RPH3AL: variants seen among roughly 807,000 people sequenced by gnomAD.
RPH3AL encodes the protein rabphilin 3A like (without C2 domains), also known as rab effector Noc2.
RPH3AL carries 38 observed loss-of-function variants against 43.1 expected under a neutral mutation model. The observed-to-expected ratio is 0.88, with a 90% CI of 0.68 to 1.15. RPH3AL has a LOEUF of 1.15. Among genes scored for constraint, RPH3AL ranks in the 50% most tolerant of loss-of-function variants. The pLI, the probability that RPH3AL is intolerant of heterozygous loss-of-function variation, is 0.00. For missense variants in RPH3AL, 462 were observed against 423.2 expected, an observed-to-expected ratio of 1.09 and a Z score of -0.81; for synonymous variants, 189 against 176.3, an observed-to-expected ratio of 1.07 and a Z score of -0.57.
At chr17:262,730 G>C (rs1336165549) in intron 6 of RPH3AL, among the ~76,000 whole-genome samples, 3 of 152,120 alleles carry the variant, frequency 2.0e-5, no homozygotes, top group African/African-American at 7.2e-5. Context: ...CATGCCCCGA[G>C]CCATCTCCTT....
intron 5 of RPH3AL, among the ~76,000 whole-genome samples, chr17:312,444 T>C (rs1043445499): frequency 1.3e-5 from 2 of 152,302 alleles, no homozygotes; most frequent in African/African-American, 2.4e-5. Flanking sequence ...TCTCAGAATT[T>C]CGTGCCTCCA....
At chr17:320,292 G>C (rs1355031328) in intron 4 of RPH3AL, among the ~76,000 whole-genome samples, 1 of 150,660 alleles carries the variant, frequency 6.6e-6, no homozygotes, top group Admixed American at 6.6e-5. Context: ...CGGAGAACAC[G>C]TGGACTCACA....
At chr17:326,132 G>A (rs1414335290) in intron 3 of RPH3AL, among the ~76,000 whole-genome samples, 2 of 152,250 alleles carry the variant, frequency 1.3e-5, no homozygotes, top group African/African-American at 4.8e-5. Context: ...TCATCTGCCT[G>A]GCGTCAGAGG....
Position 246,344 on chromosome 17 carries a change from A to T in RPH3AL, c.613+767T>A, listed in dbSNP as rs1376874594. Among the ~76,000 whole-genome samples, 1 of 152,054 alleles carries T rather than the reference A, an allele frequency of 6.6e-6. No individual in the cohort carries two copies. Among genetic ancestry groups the T allele is most frequent in the Non-Finnish European group, 1.5e-5 (1 of 68,006 alleles). ...CTGAGTATTTGGCAGAAACGTGAGCACTTCAGAGCAAAAGGACCCAGATGC... is the reference window on the plus strand; with the variant it reads ...CTGAGTATTTGGCAGAAACGTGAGCTCTTCAGAGCAAAAGGACCCAGATGC... On this transcript the variant is annotated intron_variant, in intron 7 of 9. Coordinates refer to ENST00000331302, the MANE Select transcript of RPH3AL (RefSeq NM_006987.4). The surrounding 1 kb of genome is among the most constrained non-coding windows in gnomAD (Gnocchi z 4.8).
At chr17:315,933 C>T (rs1319069974) in intron 5 of RPH3AL, among the ~76,000 whole-genome samples, 287 of 147,704 alleles carry the variant, frequency 1.9e-3, no homozygotes, top group Middle Eastern at 3.5e-3. Flanking sequence ...CCTGTGCCCC[C>T]ACCTCCATTG....
rs180899435 is a variant in RPH3AL at position 215,492 on chromosome 17, C to A, written c.876+162G>T. On this transcript the variant is annotated intron_variant, in intron 9 of 9. Coordinates refer to ENST00000331302, the MANE Select transcript of RPH3AL (RefSeq NM_006987.4). This position sits in a 1 kb window ranked among gnomAD's most constrained non-coding sequence, Gnocchi z 4.1. ...GGTCCCTCTCTCTGTTCCTTGCAGG[C>A]AGGGATGGGGTCTGGCTCACCTTGT... Among the ~76,000 whole-genome samples the A allele has an allele frequency of 6.6e-6, 1 of 152,220 alleles. No individual in the cohort carries two copies. Among genetic ancestry groups the A allele is most frequent in the Admixed American group, 6.5e-5 (1 of 15,290 alleles).
chr17:268,556 T>G (rs867281103), intron 6 of RPH3AL, among the ~76,000 whole-genome samples: 7 of 123,276 alleles, frequency 5.7e-5, no homozygotes, highest in African/African-American at 1.9e-4. Flanking sequence ...TTTTTGGGTT[T>G]TTTTTTTTTT....
At chr17:277,636 G>C (rs148356436) in intron 6 of RPH3AL, among the ~76,000 whole-genome samples, 1 of 152,286 alleles carries the variant, frequency 6.6e-6, no homozygotes, top group Non-Finnish European at 1.5e-5. Flanking sequence ...GACCCTCCAA[G>C]GGCGCCTCAT....
At chr17:319,686 A>G (rs2044405466) in intron 4 of RPH3AL, 137 bp from the exon 5 acceptor site, 1 of 986,826 alleles carries the variant, frequency 1.0e-6, no homozygotes, top group South Asian at 1.6e-5. Context: ...CTTCCCCTGG[A>G]TAACAGCGAA....
chr17:232,499 A>C (rs2041252133), intron 7 of RPH3AL, among the ~76,000 whole-genome samples: 1 of 152,180 alleles, frequency 6.6e-6, no homozygotes, highest in Non-Finnish European at 1.5e-5. Context: ...GCAGAATGGC[A>C]GCTGCCTGAG....
intron 2 of RPH3AL, chr17:330,789 T>A (rs1461975018): frequency 6.6e-6 from 1 of 151,570 alleles, no homozygotes; most frequent in Non-Finnish European, 1.5e-5. Flanking sequence ...GGCAGGATAA[T>A]CGCTTGAACC....
At chr17:345,504 C>T (rs1003504810) in intron 1 of RPH3AL, among the ~76,000 whole-genome samples, 2 of 134,840 alleles carry the variant, frequency 1.5e-5, no homozygotes, top group African/African-American at 5.1e-5. Context: ...CCTGTATAGC[C>T]AGGCTTGGAG....
intron 6 of RPH3AL, among the ~76,000 whole-genome samples, chr17:279,430 G>A (rs1288292364): frequency 1.3e-5 from 2 of 152,074 alleles, no homozygotes; most frequent in African/African-American, 2.4e-5. Context: ...AAGTAATAGC[G>A]TAATGCACAG....
At position 215,567 on chromosome 17, in the gene RPH3AL, G is replaced by A. The variant is rs186189975; in HGVS notation, c.876+87C>T. 2.0e-4 allele frequency: 235 copies of A among 1,159,458 alleles called. No individual in the cohort carries two copies. Among genetic ancestry groups the A allele is most frequent in the African/African-American group, 2.9e-4 (18 of 62,950 alleles). The allele number at this position is 1,159,458 out of a possible 1,614,324, so 71.8% of individuals were successfully genotyped here. On this transcript the variant is annotated intron_variant, in intron 9 of 9. Transcript: ENST00000331302. The surrounding 1 kb of genome is among the most constrained non-coding windows in gnomAD (Gnocchi z 4.1). Reference sequence around the variant, plus strand: ...AACATGCAGAATTGAAAACGTCACCGACCAGTCTCCAGTTTGGGAGGAGTG... The same window carrying A: ...AACATGCAGAATTGAAAACGTCACCAACCAGTCTCCAGTTTGGGAGGAGTG...
intron 1 of RPH3AL, among the ~76,000 whole-genome samples, chr17:350,097 A>G (rs1484124964): frequency 2.0e-5 from 3 of 151,782 alleles, no homozygotes; most frequent in African/African-American, 7.3e-5. Context: ...GGGGCTTGTT[A>G]CATTTCCCTA....
chr17:319,443 C>T lies in RPH3AL; in HGVS notation c.328G>A (p.Val110Met), dbSNP rs1378328129. Residue 110 changes from valine (V) to methionine (M), a missense_variant, in exon 5 of 10, where the codon GTG becomes ATG. Physicochemically the swap from Val to Met is conservative, Grantham distance 21 (BLOSUM62 1). Transcript: ENST00000331302. Reference sequence around the variant, plus strand: ...ACCTTCCTGCAGTCTTTGCAGAACACCGACGAGCTGCCCAGGAAGCCCAGC... The same window carrying T: ...ACCTTCCTGCAGTCTTTGCAGAACATCGACGAGCTGCCCAGGAAGCCCAGC... ...EVLGFLGSSS[V>M]FCKDCRKKVC... 1 of 1,612,356 alleles carries T rather than the reference C, an allele frequency of 6.2e-7. No homozygotes were observed. The highest frequency in any genetic ancestry group is 8.5e-7 in the Non-Finnish European group (1 of 1,179,864).
intron 8 of RPH3AL, among the ~76,000 whole-genome samples, chr17:217,181 T>C (rs561413322): frequency 1.4e-4 from 21 of 146,522 alleles, no homozygotes; most frequent in Non-Finnish European, 2.5e-4. Context: ...TCTTCTGCGC[T>C]AAAATTGGCC....
chr17:223,196 G>GGA (rs376682089), intron 7 of RPH3AL, among the ~76,000 whole-genome samples: 4 of 144,648 alleles, frequency 2.8e-5, no homozygotes, highest in Non-Finnish European at 6.0e-5. Context: ...TCTCAAAAAA[G>GGA]AAAAAAAAAA....
chr17:237,182 C>A (rs960332982), intron 7 of RPH3AL, among the ~76,000 whole-genome samples: 1 of 152,220 alleles, frequency 6.6e-6, no homozygotes, highest in Non-Finnish European at 1.5e-5. Context: ...CTGTTCAACC[C>A]ACACAGAACC....
Sources: allele counts gnomAD v4.1 joint callset (sites outside exome capture counted in the v4.1 genomes callset), GRCh38; gene constraint gnomAD v4.1.1; non-coding constraint Gnocchi (gnomAD v3.1); transcripts MANE v1.5; gene names NCBI Gene and HGNC (gene_info 2026-07-23, HGNC 2026-07-21).